The following CDH8 variants were observed in gnomAD, a reference collection of about 807,000 sequenced individuals.
CDH8 encodes cadherin 8.
Under a neutral mutation model 68.1 loss-of-function variants are expected in CDH8, and 17 were observed. The observed-to-expected ratio is 0.25, with a 90% CI of 0.17 to 0.37. CDH8 has a LOEUF of 0.37. Among genes scored for constraint, CDH8 ranks in the 10% least tolerant of loss-of-function variants. The pLI is 1.00. For synonymous variants in CDH8, 372 were observed against 365.1 expected (o/e 1.02, Z -0.21); for missense variants, 763 against 999.3 (o/e 0.76, Z 3.19).
At chr16:62,017,219 G>A (rs1901963032) in intron 2 of CDH8, among the ~76,000 whole-genome samples, 1 of 152,058 alleles carries the variant, frequency 6.6e-6, no homozygotes, top group Admixed American at 6.6e-5. Context: ...CCTTTTCTTT[G>A]CGGAACTTGC....
At chr16:61,688,258 T>C (rs1964146586) in intron 10 of CDH8, among the ~76,000 whole-genome samples, 1 of 152,044 alleles carries the variant, frequency 6.6e-6, no homozygotes, top group Admixed American at 6.6e-5. Flanking sequence ...CATTCTGTTA[T>C]TTCAACTCTG....
intron 1 of CDH8, 33 bp from the exon 2 acceptor site, chr16:62,021,635 C>A (rs1028880189): frequency 1.2e-5 from 14 of 1,189,378 alleles, no homozygotes; most frequent in Non-Finnish European, 1.5e-5. Context: ...AGATAAGGGT[C>A]TACTCAAACT....
At chr16:61,726,232 G>C (rs758728477) in intron 9 of CDH8, 1 of 150,902 alleles carries the variant, frequency 6.6e-6, no homozygotes, top group Non-Finnish European at 1.5e-5. Flanking sequence ...AAATAAATTA[G>C]GAAGTTGAAA....
chr16:61,991,750 C>A (rs543232407), intron 2 of CDH8, among the ~76,000 whole-genome samples: 1 of 152,080 alleles, frequency 6.6e-6, no homozygotes, highest in African/African-American at 2.4e-5. Flanking sequence ...CGCTTGCCTT[C>A]GATTCTTCCA....
At chr16:61,677,257 G>T (rs186138361) in intron 10 of CDH8, among the ~76,000 whole-genome samples, 1 of 150,160 alleles carries the variant, frequency 6.7e-6, no homozygotes, top group South Asian at 2.1e-4. Context: ...ACATAATCTC[G>T]TATGGCTGAT....
At chr16:62,028,061 A>ATTTT (rs768513131) in intron 1 of CDH8, among the ~76,000 whole-genome samples, 2 of 115,838 alleles carry the variant, frequency 1.7e-5, no homozygotes, top group Non-Finnish European at 1.8e-5. Context: ...TGTCAAATCC[A>ATTTT]TTTTTTTTTT....
chr16:61,977,025 A>G (rs1965447218), intron 2 of CDH8, among the ~76,000 whole-genome samples: 1 of 152,162 alleles, frequency 6.6e-6, no homozygotes, highest in Non-Finnish European at 1.5e-5. Flanking sequence ...GCATAATATA[A>G]GAAGTCAGAA....
rs79201806 is a variant in CDH8 at position 61,935,507 on chromosome 16, T to A, written c.253-34034A>T. On this transcript the variant is annotated intron_variant, in intron 2 of 11. Transcript: ENST00000577390. ...AATGGAACTATACATTTGAATGTCC[T>A]CATCTTCATCCCTATCCTGATCAGG... 1.0e-3 allele frequency among the ~76,000 whole-genome samples: 157 copies of A among 152,274 alleles called. 4 individuals carry two copies. The highest frequency in any genetic ancestry group is 9.5e-3 in the East Asian group (49 of 5,176).
chr16:61,967,418 A>T (rs1296361294), intron 2 of CDH8, among the ~76,000 whole-genome samples: 5 of 152,216 alleles, frequency 3.3e-5, no homozygotes, highest in Non-Finnish European at 7.3e-5. Flanking sequence ...TGCTGGGATT[A>T]AAATATTCTT....
chr16:61,920,865 C>T (rs1389256998), intron 2 of CDH8, among the ~76,000 whole-genome samples: 1 of 112,510 alleles, frequency 8.9e-6, no homozygotes, highest in African/African-American at 3.5e-5. Flanking sequence ...AAATGTCCAA[C>T]AATGATAGAC....
At chr16:61,975,665 A>G (rs2150579585) in intron 2 of CDH8, among the ~76,000 whole-genome samples, 1 of 152,326 alleles carries the variant, frequency 6.6e-6, no homozygotes, top group African/African-American at 2.4e-5. Context: ...GTGGTTATAA[A>G]TAACTGAATT....
intron 8 of CDH8, among the ~76,000 whole-genome samples, chr16:61,759,457 T>G (rs184296138): frequency 6.6e-6 from 1 of 151,326 alleles, no homozygotes; most frequent in Admixed American, 6.6e-5. Context: ...GAAGAGGGGA[T>G]GGAGAAGGGG....
chr16:61,926,657 T>G (rs1597070841), intron 2 of CDH8, among the ~76,000 whole-genome samples: 1 of 152,336 alleles, frequency 6.6e-6, no homozygotes, highest in African/African-American at 2.4e-5. Context: ...TGCAGTGTGC[T>G]CAGTCACAGG....
intron 2 of CDH8, among the ~76,000 whole-genome samples, chr16:61,954,473 G>A (rs998409075): frequency 2.0e-5 from 3 of 152,070 alleles, no homozygotes; most frequent in Admixed American, 6.6e-5. Context: ...AGGCCGAGGC[G>A]GGTGGATCAC....
chr16:61,989,027 A>AT (rs1965673431), intron 2 of CDH8, among the ~76,000 whole-genome samples: 1 of 152,118 alleles, frequency 6.6e-6, no homozygotes. Flanking sequence ...CACAGTAGTA[A>AT]TTTTTCTTTG....
chr16:61,706,390 G>A (rs1428115503), intron 10 of CDH8, among the ~76,000 whole-genome samples: 1 of 152,044 alleles, frequency 6.6e-6, no homozygotes, highest in Non-Finnish European at 1.5e-5. Context: ...GGCCGAGGCG[G>A]GCGGATCACG....
chr16:61,784,343 C>A (rs1039799665), intron 8 of CDH8, among the ~76,000 whole-genome samples: 3 of 149,230 alleles, frequency 2.0e-5, no homozygotes, highest in Non-Finnish European at 4.5e-5. Flanking sequence ...ACAAAGAAGG[C>A]CATTACATAA....
At chr16:61,960,001 T>C (rs367553756) in intron 2 of CDH8, among the ~76,000 whole-genome samples, 2 of 81,322 alleles carry the variant, frequency 2.5e-5, no homozygotes, top group Admixed American at 1.1e-4. Context: ...TATATATATA[T>C]ATATATATAT....
At chr16:61,778,890 T>C (rs1355870955) in intron 8 of CDH8, among the ~76,000 whole-genome samples, 2 of 152,178 alleles carry the variant, frequency 1.3e-5, no homozygotes, top group Admixed American at 6.5e-5. Flanking sequence ...AAAGCAATTA[T>C]TCTGGCAACT....
Sources: gnomAD v4.1 joint callset for allele counts (sites outside exome capture counted in the v4.1 genomes callset) on GRCh38, gnomAD v4.1.1 for gene constraint, MANE v1.5 for transcripts, NCBI Gene and HGNC (gene_info 2026-07-23, HGNC 2026-07-21) for gene names.